MICU3: variants seen among roughly 807,000 people sequenced by gnomAD.
MICU3 encodes mitochondrial calcium uptake 3, also known as calcium uptake protein 3, mitochondrial.
MICU3 carries 62 observed loss-of-function variants against 66.5 expected under a neutral mutation model. That is an observed-to-expected ratio of 0.93 (90% CI 0.76 to 1.15). The LOEUF (loss-of-function observed/expected upper bound fraction) is 1.15, where lower values mean the gene tolerates loss of function less well. Ranked by LOEUF, MICU3 falls within the 50% of genes most tolerant of loss-of-function variation. MICU3 has a pLI of 0.00. For missense variants in MICU3, 779 were observed against 664.4 expected, an observed-to-expected ratio of 1.17 and a Z score of -1.90; for synonymous variants, 308 against 240.7, an observed-to-expected ratio of 1.28 and a Z score of -2.59.
At chr8:17,105,731 C>T (rs917585088) in intron 11 of MICU3, 147 bp downstream of exon 11, 4 of 432,718 alleles carry the variant, frequency 9.2e-6, no homozygotes, top group Admixed American at 4.5e-5. Context: ...AATGCTCTGG[C>T]TACACTTTTA....
At chr8:17,076,557 G>A (rs1480512482) in intron 3 of MICU3, among the ~76,000 whole-genome samples, 1 of 152,112 alleles carries the variant, frequency 6.6e-6, no homozygotes, top group African/African-American at 2.4e-5. Flanking sequence ...TGGGCTTCAA[G>A]GTGTCCATAA....
rs1480711645 is a variant in MICU3, at chr8:17,027,361, TG to T, written c.87del (p.Arg30GlyfsTer4). 2.0e-6 allele frequency: 3 copies of T among 1,503,012 alleles called. No homozygotes were observed. Among genetic ancestry groups the T allele is most frequent in the African/African-American group, 1.4e-5 (1 of 69,242 alleles). The allele number at this position is 1,503,012 out of a possible 1,614,324, so 93.1% of individuals were successfully genotyped here. ...LCAHQPLLGP[W>X]GRPAVTTLGL... is the part of the protein sequence containing the mutation. Reference sequence around the variant, plus strand: ...CGCTCACCAGCCCCTCCTTGGGCCGTGGGGGCGGCCTGCGGTGACCACCCTG... The same window carrying T: ...CGCTCACCAGCCCCTCCTTGGGCCGTGGGGCGGCCTGCGGTGACCACCCTG... On this transcript the variant is annotated frameshift_variant, in exon 1 of 15. Coordinates refer to ENST00000318063, the MANE Select transcript of MICU3 (RefSeq NM_181723.3). LOFTEE classifies it high-confidence loss of function.
At chr8:17,063,795 A>G (rs113802388) in intron 1 of MICU3, among the ~76,000 whole-genome samples, 28 of 152,304 alleles carry the variant, frequency 1.8e-4, no homozygotes, top group African/African-American at 6.5e-4. Context: ...AATGTTCTTT[A>G]AGACTGAAGC....
chr8:17,118,067 T>G (rs913471019), intron 13 of MICU3, among the ~76,000 whole-genome samples: 7 of 152,200 alleles, frequency 4.6e-5, no homozygotes, highest in Non-Finnish European at 8.8e-5. Flanking sequence ...TGTTAACATT[T>G]TAGGTGATGC....
chr8:17,033,682 C>T (rs1812472500), intron 1 of MICU3, among the ~76,000 whole-genome samples: 1 of 152,026 alleles, frequency 6.6e-6, no homozygotes, highest in African/African-American at 2.4e-5. Flanking sequence ...CGTGATTTGC[C>T]CGACTTGGCC....
At chr8:17,037,731 C>G (rs1813289259) in intron 1 of MICU3, among the ~76,000 whole-genome samples, 1 of 152,176 alleles carries the variant, frequency 6.6e-6, no homozygotes, top group Non-Finnish European at 1.5e-5. Flanking sequence ...CCTGGAAAAG[C>G]CACAGACACT....
chr8:17,128,055 T>G, the MICU3 span, among the ~76,000 whole-genome samples: 1 of 152,064 alleles, frequency 6.6e-6, no homozygotes, highest in East Asian at 1.9e-4. Context: ...ACTGGAATGG[T>G]TGGGAGCCTG....
intron 13 of MICU3, among the ~76,000 whole-genome samples, chr8:17,117,033 A>AGT (rs771496346): frequency 6.6e-6 from 1 of 152,168 alleles, no homozygotes; most frequent in Non-Finnish European, 1.5e-5. Flanking sequence ...GCTAGAGTGC[A>AGT]GTGGCATGAT....
intron 1 of MICU3, among the ~76,000 whole-genome samples, chr8:17,047,219 A>C (rs1028914025): frequency 1.3e-5 from 2 of 152,234 alleles, no homozygotes; most frequent in East Asian, 3.8e-4. Flanking sequence ...AGAAATGTAA[A>C]TATAGCCATT....
intron 5 of MICU3, among the ~76,000 whole-genome samples, chr8:17,084,984 G>A (rs1190829018): frequency 6.6e-6 from 1 of 151,986 alleles, no homozygotes; most frequent in Non-Finnish European, 1.5e-5. Context: ...GATTAAAAAA[G>A]AGAAGTGCTT....
At chr8:17,076,975 C>G (rs1406851097) in intron 3 of MICU3, among the ~76,000 whole-genome samples, 1 of 152,166 alleles carries the variant, frequency 6.6e-6, no homozygotes, top group Admixed American at 6.5e-5. Flanking sequence ...GTCTTTTAAT[C>G]ATTTTTCTTC....
At chr8:17,119,619 TA>T (rs200116352) in intron 14 of MICU3, among the ~76,000 whole-genome samples, 18 of 148,806 alleles carry the variant, frequency 1.2e-4, no homozygotes, top group African/African-American at 2.5e-4. Context: ...AATGCATACT[TA>T]AAAAAAAAAG....
At chr8:17,098,897 TTA>T (rs1042489917) in intron 9 of MICU3, among the ~76,000 whole-genome samples, 12 of 151,640 alleles carry the variant, frequency 7.9e-5, no homozygotes, top group African/African-American at 2.7e-4. Flanking sequence ...CTCTTCAGAG[TTA>T]TGTTAGATTT....
At chr8:17,135,241 A>G in the MICU3 span, among the ~76,000 whole-genome samples, 1 of 152,100 alleles carries the variant, frequency 6.6e-6, no homozygotes, top group South Asian at 2.1e-4. Flanking sequence ...CCTACTAGAA[A>G]TACCAAAATT....
intron 11 of MICU3, among the ~76,000 whole-genome samples, chr8:17,107,487 T>C (rs1232854264): frequency 1.3e-5 from 2 of 152,100 alleles, no homozygotes; most frequent in African/African-American, 2.4e-5. Context: ...TAAGACTCTG[T>C]AGGCTAAGGT....
Position 17,121,530 on chromosome 8 carries a change from A to G in MICU3, c.*1243A>G, listed in dbSNP as rs934982938. 2.6e-5 allele frequency: 4 copies of G among 152,220 alleles called. No individual in the cohort carries two copies. Among genetic ancestry groups the G allele is most frequent in the Non-Finnish European group, 3.0e-5 (2 of 67,744 alleles). 9.4% of individuals were successfully genotyped at this position (152,220 alleles called of 1,614,324 possible). On this transcript the variant is annotated 3_prime_UTR_variant, in exon 15 of 15. Coordinates refer to ENST00000318063, the MANE Select transcript of MICU3 (RefSeq NM_181723.3). ...TTAGTCTGAATTAACGTATTTACAT[A>G]TTGCATATGGAAGATAAGTTCATTT...
chr8:17,074,284 T>C (rs1026756480), intron 3 of MICU3, among the ~76,000 whole-genome samples: 2 of 152,086 alleles, frequency 1.3e-5, no homozygotes, highest in Non-Finnish European at 2.9e-5. Flanking sequence ...TAAAAATTTG[T>C]TTTTATTTTC....
chr8:17,109,120 C>G (rs1351803838), intron 11 of MICU3, among the ~76,000 whole-genome samples: 1 of 152,138 alleles, frequency 6.6e-6, no homozygotes, highest in Non-Finnish European at 1.5e-5. Context: ...GATACTCCCT[C>G]TCCTGGCTGT....
chr8:17,050,908 A>G (rs1369420924), intron 1 of MICU3, among the ~76,000 whole-genome samples: 3 of 152,012 alleles, frequency 2.0e-5, no homozygotes, highest in African/African-American at 7.2e-5. Flanking sequence ...GTTTGCATTT[A>G]TTTTTGCTGT....
Sources: allele counts gnomAD v4.1 joint callset (sites outside exome capture counted in the v4.1 genomes callset), GRCh38; gene constraint gnomAD v4.1.1; transcripts MANE v1.5; gene names NCBI Gene and HGNC (gene_info 2026-07-23, HGNC 2026-07-21).